SEMA3E: variants seen among roughly 807,000 people sequenced by gnomAD.
The protein encoded by SEMA3E is semaphorin-3E.
A neutral mutation model predicts 93.6 loss-of-function variants in SEMA3E; 49 were observed. The observed-to-expected ratio is 0.52, with a 90% confidence interval of 0.42 to 0.66. The LOEUF is 0.66. Among genes scored for constraint, SEMA3E ranks in the 30% least tolerant of loss-of-function variants. The pLI, the probability that SEMA3E is intolerant of heterozygous loss-of-function variation, is 0.00. For synonymous variants in SEMA3E, 363 were observed against 330.7 expected (o/e 1.10, Z -1.06); for missense variants, 906 against 964.8 (o/e 0.94, Z 0.81).
intron 1 of SEMA3E, among the ~76,000 whole-genome samples, chr7:83,495,367 T>A (rs1790470589): frequency 6.6e-6 from 1 of 151,902 alleles, no homozygotes; most frequent in African/African-American, 2.4e-5. Context: ...AGAAGAATGC[T>A]TCTATTTCCA....
intron 2 of SEMA3E, among the ~76,000 whole-genome samples, chr7:83,488,060 C>T (rs1416205862): frequency 6.6e-6 from 1 of 151,642 alleles, no homozygotes; most frequent in East Asian, 1.9e-4. Flanking sequence ...AATATGCAAG[C>T]TGATTCATAA....
chr7:83,415,150 G>T, intron 5 of SEMA3E, among the ~76,000 whole-genome samples: 1 of 152,092 alleles, frequency 6.6e-6, no homozygotes, highest in Non-Finnish European at 1.5e-5. Context: ...ATATTTGGAT[G>T]ATTTGAAAGG....
At chr7:83,509,600 G>C (rs1432076104) in intron 1 of SEMA3E, among the ~76,000 whole-genome samples, 1 of 152,144 alleles carries the variant, frequency 6.6e-6, no homozygotes, top group Non-Finnish European at 1.5e-5. Flanking sequence ...TCAGTGTTCA[G>C]TGTGGGGGAT....
chr7:83,479,398 T>C (rs903694587), intron 2 of SEMA3E, among the ~76,000 whole-genome samples: 2 of 152,222 alleles, frequency 1.3e-5, no homozygotes, highest in Non-Finnish European at 2.9e-5. Flanking sequence ...TACTGTATTA[T>C]AAATATTTTA....
In SEMA3E at chr7:83,363,267, T is replaced by C. The variant is rs572116343; in HGVS notation, c.*4319A>G. The C allele has an allele frequency of 6.6e-6, 1 of 152,340 alleles. No homozygotes were observed. Among genetic ancestry groups the C allele is most frequent in the Admixed American group, 6.5e-5 (1 of 15,298 alleles). The allele number at this position is 152,340 out of a possible 1,614,324, so 9.4% of individuals were successfully genotyped here. ...GAGTTTAGCAAATATTTATTTCTTT[T>C]TCATCGAAGTTGAGCCAAATAGAGA... On this transcript the variant is annotated 3_prime_UTR_variant, in exon 17 of 17. Transcript: ENST00000643230.
chr7:83,539,855 C>G (rs865989374), intron 1 of SEMA3E, among the ~76,000 whole-genome samples: 9 of 122,752 alleles, frequency 7.3e-5, no homozygotes, highest in East Asian at 5.3e-4. Context: ...TTTGTTGTTT[C>G]TGTGTGTGTG....
intron 4 of SEMA3E, among the ~76,000 whole-genome samples, chr7:83,431,854 T>C (rs1452271466): frequency 1.3e-5 from 2 of 152,296 alleles, no homozygotes; most frequent in South Asian, 2.1e-4. Context: ...ATGTGGCTGA[T>C]TGTATTTTCC....
At chr7:83,520,616 C>A (rs548514866) in intron 1 of SEMA3E, among the ~76,000 whole-genome samples, 24 of 152,230 alleles carry the variant, frequency 1.6e-4, no homozygotes, top group African/African-American at 5.8e-4. Context: ...AAAAACAAAA[C>A]CCACCTCTAT....
At chr7:83,372,295 A>C (rs551949640) in intron 16 of SEMA3E, 5 of 397,988 alleles carry the variant, frequency 1.3e-5, no homozygotes, top group Non-Finnish European at 1.8e-5. Flanking sequence ...TACCTGAAAA[A>C]AAAAATGCAT....
At chr7:83,422,664 G>A (rs1015845815) in intron 4 of SEMA3E, among the ~76,000 whole-genome samples, 3 of 152,220 alleles carry the variant, frequency 2.0e-5, no homozygotes, top group South Asian at 4.1e-4. Flanking sequence ...AAAAATCAAC[G>A]TTTTCTGTAG....
At chr7:83,559,708 T>G (rs215269) in intron 1 of SEMA3E, among the ~76,000 whole-genome samples, 1 of 151,760 alleles carries the variant, frequency 6.6e-6, no homozygotes, top group East Asian at 1.9e-4. Flanking sequence ...ATCCAGCAAT[T>G]GCACTCCTTG....
At chr7:83,488,180 G>A (rs1259300543) in intron 2 of SEMA3E, among the ~76,000 whole-genome samples, 2 of 152,030 alleles carry the variant, frequency 1.3e-5, no homozygotes, top group Non-Finnish European at 2.9e-5. Flanking sequence ...AGTAATGCCA[G>A]ACAATAAAGG....
chr7:83,605,219 A>G (rs1420805022), intron 1 of SEMA3E, among the ~76,000 whole-genome samples: 4 of 152,154 alleles, frequency 2.6e-5, no homozygotes, highest in Non-Finnish European at 4.4e-5. Context: ...TGTCTTCCAC[A>G]ATGGATGAAC....
Position 83,648,668 on chromosome 7 carries a change from A to C in SEMA3E, c.-126T>G, listed in dbSNP as rs1794112693. 1.2e-5 allele frequency: 9 copies of C among 747,742 alleles called. No homozygotes were observed. In the South Asian group the frequency reaches 1.3e-4, roughly 11 times the overall value. The allele number at this position is 747,742 out of a possible 1,614,324, so 46.3% of individuals were successfully genotyped here. A position where few individuals can be genotyped will look rare whatever the true frequency, so the allele number is the denominator to read the frequency against. The stretch of plus-strand genomic sequence containing the variant: ...AGAAATCGAACGCGTTGTCATCAGA[A>C]AGCACAGTTCCGAAGTGCCATTTGT... On this transcript the variant is annotated 5_prime_UTR_variant, in exon 1 of 17. Coordinates refer to ENST00000643230, the MANE Select transcript of SEMA3E (RefSeq NM_012431.3).
intron 1 of SEMA3E, among the ~76,000 whole-genome samples, chr7:83,521,169 C>A (rs1791040525): frequency 6.6e-6 from 1 of 151,706 alleles, no homozygotes; most frequent in African/African-American, 2.4e-5. Flanking sequence ...AGTTCTTGCC[C>A]ATAAGAATTT....
chr7:83,644,278 G>A (rs1794052188), intron 1 of SEMA3E, among the ~76,000 whole-genome samples: 1 of 151,768 alleles, frequency 6.6e-6, no homozygotes, highest in South Asian at 2.1e-4. Context: ...ATAACTAGAG[G>A]TCAAAGATAT....
chr7:83,648,370 CTTTTTTCTTTTTCTTTTTTTTTT>C, intron 1 of SEMA3E, 35 bp downstream of exon 1: 1 of 1,317,448 alleles, frequency 7.6e-7, no homozygotes, highest in Non-Finnish European at 1.1e-6. Flanking sequence ...CTTTTTTTTT[CTTTTTTCTTTTTCTTTTTTTTTT>C]TTTTTAAACA....
At position 83,365,291 on chromosome 7, in the gene SEMA3E, C is replaced by T. The variant is rs1794649714; in HGVS notation, c.*2295G>A. On this transcript the variant is annotated 3_prime_UTR_variant, in exon 17 of 17. Coordinates refer to ENST00000643230, the MANE Select transcript of SEMA3E (RefSeq NM_012431.3). ...CATTTCTCTTCAGTACTGCCATAAA[C>T]AGGCGGGAAGCAAGATTATATACAT... 1 of 152,034 alleles carries T rather than the reference C, an allele frequency of 6.6e-6. No individual in the cohort carries two copies. The highest frequency in any genetic ancestry group is 2.4e-5 in the African/African-American group (1 of 41,384). 9.4% of individuals were successfully genotyped at this position (152,034 alleles called of 1,614,324 possible).
chr7:83,586,401 A>G (rs938377277), intron 1 of SEMA3E, among the ~76,000 whole-genome samples: 1 of 152,028 alleles, frequency 6.6e-6, no homozygotes, highest in African/African-American at 2.4e-5. Context: ...TTACTAAACC[A>G]TGTGGGACAC....
Sources: gnomAD v4.1 joint callset for allele counts (sites outside exome capture counted in the v4.1 genomes callset) on GRCh38, gnomAD v4.1.1 for gene constraint, MANE v1.5 for transcripts, NCBI Gene and HGNC (gene_info 2026-07-23, HGNC 2026-07-21) for gene names.